The following MMP26 variants were observed in gnomAD, a reference collection of about 807,000 sequenced individuals.
The protein encoded by MMP26 is matrix metalloproteinase-26.
Under a neutral mutation model 31.0 loss-of-function variants are expected in MMP26, and 33 were observed. That is an observed-to-expected ratio of 1.06 (90% CI 0.81 to 1.42). The LOEUF (loss-of-function observed/expected upper bound fraction) is 1.42. MMP26 is among the 40% of genes most tolerant of loss of function. MMP26 has a pLI of 0.00. For synonymous variants in MMP26, 122 were observed against 114.9 expected, an observed-to-expected ratio of 1.06 and a Z score of -0.40; for missense variants, 347 against 316.1, an observed-to-expected ratio of 1.10 and a Z score of -0.74.
intron 2 of MMP26, among the ~76,000 whole-genome samples, chr11:4,885,858 A>T (rs1252377158): frequency 6.6e-6 from 1 of 152,104 alleles, no homozygotes; most frequent in African/African-American, 2.4e-5. Flanking sequence ...ATCCATCAAA[A>T]TAGGCCTGTT....
In MMP26 at chr11:4,762,917, T is replaced by C. The variant is rs1848584943; in HGVS notation, c.-216-4353T>C. 5.3e-5 allele frequency among the ~76,000 whole-genome samples: 8 copies of C among 152,096 alleles called. No homozygotes were observed. In the South Asian group the frequency reaches 1.7e-3, roughly 32 times the overall value. On this transcript the variant is annotated intron_variant, in intron 1 of 7. Transcript: ENST00000380390. ...GATATCAGTTTCTTTTTCAGCAAAA[T>C]AGAGTGGTGGTACAATCCCTGAAAA...
intron 2 of MMP26, among the ~76,000 whole-genome samples, chr11:4,923,076 A>G (rs1422366179): frequency 1.3e-5 from 2 of 152,242 alleles, no homozygotes; most frequent in Non-Finnish European, 2.9e-5. Context: ...AATGGTTAAT[A>G]TTTATTGAAA....
intron 2 of MMP26, among the ~76,000 whole-genome samples, chr11:4,890,995 A>AATAATAATG (rs1007284614): frequency 1.4e-5 from 2 of 146,204 alleles, no homozygotes; most frequent in Admixed American, 6.8e-5. Context: ...TAATAATAAT[A>AATAATAATG]ATAATAATAA....
chr11:4,788,926 C>A (rs1848984242), intron 2 of MMP26, among the ~76,000 whole-genome samples: 1 of 152,080 alleles, frequency 6.6e-6, no homozygotes, highest in South Asian at 2.1e-4. Flanking sequence ...TAGCTTTTGA[C>A]CATGTCTCAG....
At chr11:4,907,253 G>C in intron 2 of MMP26, 2 of 635,384 alleles carry the variant, frequency 3.1e-6, no homozygotes, top group Non-Finnish European at 2.7e-6. Context: ...ATATGCCTTT[G>C]AGTATAGTAT....
intron 1 of MMP26, among the ~76,000 whole-genome samples, chr11:4,733,284 A>G (rs1848197395): frequency 1.3e-5 from 2 of 152,244 alleles, no homozygotes; most frequent in African/African-American, 4.8e-5. Context: ...CAAATCCATG[A>G]ATATGACATG....
intron 2 of MMP26, chr11:4,803,379 A>G: frequency 8.5e-7 from 1 of 1,173,380 alleles, no homozygotes; most frequent in Non-Finnish European, 1.2e-6. Context: ...ATGTTCATTA[A>G]TGTCCCCACA....
Position 4,955,411 on chromosome 11 carries a change from G to T in MMP26, c.-144-32657G>T. ...AGAATCCATGAATGAAGAATTCCTG[G>T]GCAAAGCAGGCACTAGAAGAAGTTT... On this transcript the variant is annotated intron_variant, in intron 2 of 7. Coordinates refer to ENST00000380390, the MANE Select transcript of MMP26 (RefSeq NM_021801.5). 2 of 1,178,004 alleles carry T rather than the reference G, an allele frequency of 1.7e-6. 1 individual carries two copies. The highest frequency in any genetic ancestry group is 2.3e-6 in the Non-Finnish European group (2 of 853,202). The allele number at this position is 1,178,004 out of a possible 1,614,324, so 73.0% of individuals were successfully genotyped here.
intron 2 of MMP26, among the ~76,000 whole-genome samples, chr11:4,816,569 T>A: frequency 6.6e-6 from 1 of 151,764 alleles, no homozygotes; most frequent in Admixed American, 6.6e-5. Flanking sequence ...ATAATTTAAA[T>A]TCCAGAGACA....
chr11:4,914,982 G>T (rs201371040), intron 2 of MMP26: 11 of 1,613,946 alleles, frequency 6.8e-6, no homozygotes, highest in African/African-American at 1.3e-5. Flanking sequence ...AGCACGGTGC[G>T]CAGGATCAGA....
Position 4,733,518 on chromosome 11 carries a change from C to T in MMP26, c.-217+28473C>T, listed in dbSNP as rs538912371. 3.6e-4 allele frequency among the ~76,000 whole-genome samples: 55 copies of T among 151,958 alleles called. No homozygotes were observed. In the South Asian group the frequency reaches 1.0e-2, roughly 28 times the overall value. ...AAATACAATTGCTTTTTTTATTTATCTCTTGTTCTGCAACTTGTCTGAACC... is the reference window on the plus strand; with the variant it reads ...AAATACAATTGCTTTTTTTATTTATTTCTTGTTCTGCAACTTGTCTGAACC... On this transcript the variant is annotated intron_variant, in intron 1 of 7. Transcript: ENST00000380390.
chr11:4,959,631 G>A (rs982494742), intron 2 of MMP26, among the ~76,000 whole-genome samples: 2 of 152,152 alleles, frequency 1.3e-5, no homozygotes, highest in African/African-American at 4.8e-5. Context: ...ATGATCTGAA[G>A]TAAAGTGTGC....
At chr11:4,728,528 T>C (rs1848132598) in intron 1 of MMP26, among the ~76,000 whole-genome samples, 1 of 152,182 alleles carries the variant, frequency 6.6e-6, no homozygotes, top group African/African-American at 2.4e-5. Flanking sequence ...GTTATAAGTG[T>C]GAGAGAATTC....
chr11:4,801,716 A>T (rs1849185785), intron 2 of MMP26, among the ~76,000 whole-genome samples: 2 of 151,732 alleles, frequency 1.3e-5, no homozygotes, highest in African/African-American at 2.4e-5. Flanking sequence ...CTAATTTTGT[A>T]TTTTTAGTTG....
chr11:4,942,105 A>AAAAAAAAAAAAAAAAAAAAAAAAAAC, intron 2 of MMP26, among the ~76,000 whole-genome samples: 1 of 147,252 alleles, frequency 6.8e-6, no homozygotes, highest in Non-Finnish European at 1.5e-5. Context: ...AAAAAAAAAA[A>AAAAAAAAAAAAAAAAAAAAAAAAAAC]AAAAAGGAAG....
intron 2 of MMP26, chr11:4,849,374 C>T (rs34301246): frequency 0.11 from 71,134 of 657,038 alleles, 4,598 homozygotes; most frequent in Middle Eastern, 0.13. Flanking sequence ...TCCCTGTGCA[C>T]GCACCCATCC....
intron 2 of MMP26, among the ~76,000 whole-genome samples, chr11:4,856,658 A>T (rs1208081526): frequency 1.3e-5 from 2 of 152,232 alleles, no homozygotes; most frequent in African/African-American, 4.8e-5. Context: ...CATTAGACAG[A>T]TCAATGAGAC....
chr11:4,882,118 AT>A, intron 2 of MMP26: 1 of 1,613,894 alleles, frequency 6.2e-7, no homozygotes, highest in Non-Finnish European at 8.5e-7. Context: ...CTGTTGATCT[AT>A]GTCTGACCAT....
intron 2 of MMP26, among the ~76,000 whole-genome samples, chr11:4,816,034 C>T (rs888193551): frequency 1.3e-5 from 2 of 152,116 alleles, no homozygotes; most frequent in Non-Finnish European, 2.9e-5. Flanking sequence ...CCTCCCATAC[C>T]GCTTTTGCTG....
Sources: allele counts gnomAD v4.1 joint callset (sites outside exome capture counted in the v4.1 genomes callset), GRCh38; gene constraint gnomAD v4.1.1; transcripts MANE v1.5; gene names NCBI Gene and HGNC (gene_info 2026-07-23, HGNC 2026-07-21).